Variants in LPP observed in about 807,000 individuals in gnomAD.
LPP encodes LIM domain containing preferred translocation partner in lipoma.
Under a neutral mutation model 60.4 loss-of-function variants are expected in LPP, and 38 were observed. The observed-to-expected ratio is 0.63, with a 90% CI of 0.49 to 0.83. LPP has a LOEUF of 0.83. Among genes scored for constraint, LPP ranks in the 40% least tolerant of loss-of-function variants. The pLI is 0.00. For synonymous variants in LPP, 328 were observed against 290.8 expected (o/e 1.13, Z -1.30); for missense variants, 902 against 783.6 (o/e 1.15, Z -1.80).
intron 9 of LPP, among the ~76,000 whole-genome samples, chr3:188,763,249 G>A (rs932218394): frequency 4.2e-5 from 6 of 142,138 alleles, no homozygotes; most frequent in Admixed American, 1.4e-4. Context: ...CAGTGTGCCT[G>A]TCTTTTTTTT....
At chr3:188,814,881 G>A (rs540111106) in intron 9 of LPP, among the ~76,000 whole-genome samples, 11 of 152,278 alleles carry the variant, frequency 7.2e-5, no homozygotes, top group African/African-American at 2.6e-4. Context: ...AGATATCCCT[G>A]CCCATGAGCT....
intron 9 of LPP, 77 bp from the exon 10 acceptor site, chr3:188,866,123 G>C (rs1007203065): frequency 8.1e-7 from 1 of 1,233,204 alleles, no homozygotes; most frequent in Non-Finnish European, 1.1e-6. Context: ...GAGACAATCT[G>C]TTTTGTAAAG....
intron 4 of LPP, among the ~76,000 whole-genome samples, chr3:188,467,223 G>A (rs150250704): frequency 0.011 from 1,733 of 151,838 alleles, 28 homozygotes; most frequent in African/African-American, 0.036. Flanking sequence ...TTTAAATGTG[G>A]TAGCAAGATT....
chr3:188,491,198 C>T (rs1246684365), intron 5 of LPP, among the ~76,000 whole-genome samples: 3 of 152,190 alleles, frequency 2.0e-5, no homozygotes. Flanking sequence ...CAGAAATAGG[C>T]AGCTGAACTG....
chr3:188,886,836 A>G lies in LPP; in HGVS notation c.*12357A>G, dbSNP rs1191148462. The G allele has an allele frequency of 4.3e-6, 1 of 230,618 alleles. No homozygotes were observed. 14.3% of individuals were successfully genotyped at this position (230,618 alleles called of 1,614,324 possible). A position where few individuals can be genotyped will look rare whatever the true frequency, so the allele number is the denominator to read the frequency against. The stretch of plus-strand genomic sequence containing the variant: ...AGCACTTGGGTTTTCAGGCCAGAAA[A>G]TTAATAAATCCTAAACCTGACCCAT... On this transcript the variant is annotated 3_prime_UTR_variant, in exon 12 of 12. Transcript: ENST00000617246.
At chr3:188,330,825 C>G (rs1759813792) in intron 2 of LPP, among the ~76,000 whole-genome samples, 1 of 140,722 alleles carries the variant, frequency 7.1e-6, no homozygotes. Context: ...CAGAATAAGT[C>G]AGTCAGTCAG....
intron 1 of LPP, among the ~76,000 whole-genome samples, chr3:188,167,057 C>G (rs759782547): frequency 1.4e-4 from 22 of 152,190 alleles, no homozygotes; most frequent in Non-Finnish European, 2.6e-4. Flanking sequence ...TAAATTATAG[C>G]TCTGCTAATT....
At chr3:188,848,268 T>A (rs1417431367) in intron 9 of LPP, among the ~76,000 whole-genome samples, 1 of 152,162 alleles carries the variant, frequency 6.6e-6, no homozygotes, top group Non-Finnish European at 1.5e-5. Flanking sequence ...CCTCGAGTCT[T>A]GTCTTATGAG....
chr3:188,412,244 C>T (rs571266755), intron 4 of LPP, among the ~76,000 whole-genome samples: 51 of 152,116 alleles, frequency 3.4e-4, no homozygotes, highest in African/African-American at 1.2e-3. Context: ...AATATAATAA[C>T]CTTTACCTTT....
chr3:188,707,630 G>A (rs1213549065), intron 7 of LPP, among the ~76,000 whole-genome samples: 2 of 152,132 alleles, frequency 1.3e-5, no homozygotes, highest in Non-Finnish European at 2.9e-5. Flanking sequence ...TTCGCTTTCT[G>A]GACTCCTGTA....
At chr3:188,796,652 G>A (rs1316049110) in intron 9 of LPP, among the ~76,000 whole-genome samples, 8 of 152,128 alleles carry the variant, frequency 5.3e-5, no homozygotes, top group South Asian at 4.1e-4. Flanking sequence ...AACATGACCC[G>A]AAGAGTGAAA....
rs1290816868 is a variant in LPP at position 188,889,795 on chromosome 3, C to T, written c.*15316C>T. On this transcript the variant is annotated 3_prime_UTR_variant, in exon 12 of 12. Transcript: ENST00000617246. ...ATCATCATTGGATGAATCCAGTTGA[C>T]TCTTTGGCAAAAGGGTGATACTTTT... 4.6e-6 allele frequency: 1 copy of T among 215,986 alleles called. No homozygotes were observed. Among genetic ancestry groups the T allele is most frequent in the African/African-American group, 2.3e-5 (1 of 44,442 alleles). The allele number at this position is 215,986 out of a possible 1,614,324, so 13.4% of individuals were successfully genotyped here.
intron 2 of LPP, among the ~76,000 whole-genome samples, chr3:188,302,819 T>A (rs1480255360): frequency 2.6e-5 from 4 of 152,192 alleles, no homozygotes; most frequent in African/African-American, 7.2e-5. Flanking sequence ...CACAGCACAT[T>A]TATTTACTTC....
chr3:188,539,684 A>G (rs544999284), intron 6 of LPP, among the ~76,000 whole-genome samples: 1 of 152,330 alleles, frequency 6.6e-6, no homozygotes, highest in South Asian at 2.1e-4. Flanking sequence ...CATGAGGACC[A>G]CAAGGAATAA....
chr3:188,192,859 C>G (rs1728549613), intron 1 of LPP, among the ~76,000 whole-genome samples: 2 of 152,222 alleles, frequency 1.3e-5, no homozygotes, highest in African/African-American at 4.8e-5. Context: ...AGAGTTCTTG[C>G]TCCAGGCGTC....
At chr3:188,169,317 G>A (rs373306250) in intron 1 of LPP, among the ~76,000 whole-genome samples, 7 of 152,276 alleles carry the variant, frequency 4.6e-5, no homozygotes, top group South Asian at 2.1e-4. Flanking sequence ...TAGTTTATCC[G>A]TGTAACACGT....
chr3:188,750,575 G>T (rs971505675), intron 8 of LPP, among the ~76,000 whole-genome samples: 1 of 152,116 alleles, frequency 6.6e-6, no homozygotes, highest in Non-Finnish European at 1.5e-5. Flanking sequence ...AGAGGTTGCA[G>T]TGAGCCAAGA....
Position 188,420,894 on chromosome 3 carries a change from T to C in LPP, c.193+14581T>C, listed in dbSNP as rs896038575. Among the ~76,000 whole-genome samples, 6 of 152,324 alleles carry C rather than the reference T, an allele frequency of 3.9e-5. No homozygotes were observed. In the South Asian group the frequency reaches 1.2e-3, roughly 32 times the overall value. On this transcript the variant is annotated intron_variant, in intron 4 of 11. Transcript: ENST00000617246. Reference sequence around the variant, plus strand: ...TGATACATGGTTTTTAAACACATTTTATATATGTATATATTTAATTTATTC... The same window carrying C: ...TGATACATGGTTTTTAAACACATTTCATATATGTATATATTTAATTTATTC...
intron 3 of LPP, among the ~76,000 whole-genome samples, chr3:188,403,832 T>C (rs1297771737): frequency 6.6e-6 from 1 of 152,212 alleles, no homozygotes; most frequent in Non-Finnish European, 1.5e-5. Context: ...CCTACCCTTT[T>C]AAGGAACTCA....
Sources: gnomAD v4.1 joint callset for allele counts (sites outside exome capture counted in the v4.1 genomes callset) on GRCh38, gnomAD v4.1.1 for gene constraint, MANE v1.5 for transcripts, NCBI Gene and HGNC (gene_info 2026-07-23, HGNC 2026-07-21) for gene names.